Variants in REL observed in about 807,000 individuals in gnomAD.
REL encodes the protein REL proto-oncogene, NF-kB subunit.
A neutral mutation model predicts 45.9 loss-of-function variants in REL; 15 were observed. The observed-to-expected ratio is 0.33, with a 90% confidence interval of 0.22 to 0.50. The LOEUF (loss-of-function observed/expected upper bound fraction) is 0.50, where lower values mean the gene tolerates loss of function less well. Among genes scored for constraint, REL ranks in the 20% least tolerant of loss-of-function variants. REL has a pLI of 0.98. For synonymous variants in REL, 239 were observed against 242.1 expected, an observed-to-expected ratio of 0.99 and a Z score of 0.12; for missense variants, 601 against 715.2, an observed-to-expected ratio of 0.84 and a Z score of 1.82.
intron 1 of REL, among the ~76,000 whole-genome samples, chr2:60,883,566 G>A (rs771188447): frequency 6.6e-6 from 1 of 152,180 alleles, no homozygotes; most frequent in Non-Finnish European, 1.5e-5. Context: ...AGAATGCCTA[G>A]CATTATAAGT....
intron 3 of REL, among the ~76,000 whole-genome samples, chr2:60,895,976 AT>A (rs1460498421): frequency 6.6e-6 from 1 of 152,080 alleles, no homozygotes; most frequent in Non-Finnish European, 1.5e-5. Context: ...TAGTCACAAT[AT>A]ATTAGATAAA....
At chr2:60,911,543 C>G (rs1321128457) in intron 4 of REL, 1 of 151,946 alleles carries the variant, frequency 6.6e-6, no homozygotes, top group African/African-American at 2.4e-5. Flanking sequence ...TGGAAAACAT[C>G]ATTAAAACAA....
At chr2:60,882,294 A>G (rs530026111) in intron 1 of REL, among the ~76,000 whole-genome samples, 1 of 152,216 alleles carries the variant, frequency 6.6e-6, no homozygotes, top group Non-Finnish European at 1.5e-5. Context: ...TGACAGTTGT[A>G]CAAAATGTGT....
chr2:60,907,630 TC>T (rs1278782085), intron 4 of REL, among the ~76,000 whole-genome samples: 2 of 151,770 alleles, frequency 1.3e-5, no homozygotes, highest in Non-Finnish European at 2.9e-5. Context: ...AGACCCCGTA[TC>T]AAAAAAACAA....
intron 2 of REL, among the ~76,000 whole-genome samples, chr2:60,893,705 A>C (rs1673279751): frequency 6.6e-6 from 1 of 152,162 alleles, no homozygotes; most frequent in Non-Finnish European, 1.5e-5. Context: ...TAAGCTACCC[A>C]TTCTTACTTT....
At chr2:60,906,961 C>G (rs537072017) in intron 4 of REL, among the ~76,000 whole-genome samples, 5 of 146,366 alleles carry the variant, frequency 3.4e-5, no homozygotes, top group African/African-American at 5.1e-5. Context: ...CTCTTGTTGC[C>G]CAGGCTGGAG....
At chr2:60,899,706 C>G (rs1673445734) in intron 3 of REL, 2 of 152,236 alleles carry the variant, frequency 1.3e-5, no homozygotes, top group African/African-American at 4.8e-5. Context: ...CTTATTCACG[C>G]CCACCCAATT....
chr2:60,906,872 CGTGTGTGTAT>C (rs1302276157), intron 4 of REL, among the ~76,000 whole-genome samples: 3 of 111,928 alleles, frequency 2.7e-5, no homozygotes, highest in Non-Finnish European at 5.8e-5. Context: ...TGTGTGTGTG[CGTGTGTGTAT>C]GTGTGTGTGT....
At chr2:60,896,294 C>T (rs754752875) in intron 3 of REL, among the ~76,000 whole-genome samples, 1 of 152,132 alleles carries the variant, frequency 6.6e-6, no homozygotes, top group Admixed American at 6.5e-5. Flanking sequence ...CAAGCGTGAG[C>T]CACGGCACCT....
At chr2:60,889,016 A>G (rs1294297353) in intron 1 of REL, among the ~76,000 whole-genome samples, 1 of 152,224 alleles carries the variant, frequency 6.6e-6, no homozygotes, top group Non-Finnish European at 1.5e-5. Flanking sequence ...TGCAAATCTG[A>G]TCATGTGATT....
At position 60,927,589 on chromosome 2, in the gene REL, C is replaced by T. The variant is rs1206520816; in HGVS notation, c.*5054C>T. 4.3e-6 allele frequency: 1 copy of T among 230,154 alleles called. No homozygotes were observed. Among genetic ancestry groups the T allele is most frequent in the Non-Finnish European group, 8.6e-6 (1 of 116,160 alleles). 14.3% of individuals were successfully genotyped at this position (230,154 alleles called of 1,614,324 possible). A position where few individuals can be genotyped will look rare whatever the true frequency, so the allele number is the denominator to read the frequency against. ...CTCAGCACCTAACCCTCACACAACA[C>T]TCCAGTATTGATGCAGTCAATCTTG... On this transcript the variant is annotated 3_prime_UTR_variant, in exon 10 of 10. Coordinates refer to ENST00000394479, the MANE Select transcript of REL (RefSeq NM_001291746.2).
rs1674306298 is a variant in REL at position 60,928,007 on chromosome 2, C to T, written c.*5472C>T. ...CTTCAGGAAAACTCATGATGGTTTCCATGTTAAGAGAGACATGGAGCAGGG... is the reference window on the plus strand; with the variant it reads ...CTTCAGGAAAACTCATGATGGTTTCTATGTTAAGAGAGACATGGAGCAGGG... On this transcript the variant is annotated 3_prime_UTR_variant, in exon 10 of 10. Coordinates refer to ENST00000394479, the MANE Select transcript of REL (RefSeq NM_001291746.2). 1 of 207,926 alleles carries T rather than the reference C, an allele frequency of 4.8e-6. No homozygotes were observed. Among genetic ancestry groups the T allele is most frequent in the Admixed American group, 5.9e-5 (1 of 16,826 alleles). The allele number at this position is 207,926 out of a possible 1,614,324, so 12.9% of individuals were successfully genotyped here.
Position 60,920,423 on chromosome 2 carries a change from A to G in REL, c.923-151A>G, listed in dbSNP as rs1340415821. ...GCCATGTTGACCAGGATGGTCTTGA[A>G]CTCCTGACATCAGGTGATCCACCCA... On this transcript the variant is annotated intron_variant, in intron 8 of 9. Transcript: ENST00000394479. 2 of 691,068 alleles carry G rather than the reference A, an allele frequency of 2.9e-6. No homozygotes were observed. Among genetic ancestry groups the G allele is most frequent in the Admixed American group, 5.0e-5 (2 of 39,794 alleles). 42.8% of individuals were successfully genotyped at this position (691,068 alleles called of 1,614,324 possible).
At chr2:60,890,005 A>G (rs1335441566) in intron 1 of REL, among the ~76,000 whole-genome samples, 1 of 152,178 alleles carries the variant, frequency 6.6e-6, no homozygotes, top group East Asian at 1.9e-4. Flanking sequence ...CTAGTTCTAG[A>G]TCCCTGAGGA....
intron 1 of REL, among the ~76,000 whole-genome samples, chr2:60,890,957 T>C (rs1673194561): frequency 6.6e-6 from 1 of 152,228 alleles, no homozygotes; most frequent in Admixed American, 6.5e-5. Context: ...TCGTCCATGT[T>C]ATTATATGTA....
intron 1 of REL, among the ~76,000 whole-genome samples, chr2:60,883,839 A>G (rs1163015871): frequency 6.9e-6 from 1 of 144,048 alleles, no homozygotes; most frequent in South Asian, 2.1e-4. Flanking sequence ...TTGAAGGGTG[A>G]TTAACTTTTT....
rs886658600 is a variant in REL at position 60,891,614 on chromosome 2, G to A, written c.11-69G>A. The A allele has an allele frequency of 1.3e-5, 17 of 1,311,122 alleles. No homozygotes were observed. The Admixed American group carries it at 4.4e-4, about 34-fold the overall frequency. 81.2% of individuals were successfully genotyped at this position (1,311,122 alleles called of 1,614,324 possible). A position where few individuals can be genotyped will look rare whatever the true frequency, so the allele number is the denominator to read the frequency against. ...TTAGTCTGCTGTTATAAAAAAAACA[G>A]AATGTTAAAATCCATTATTAATTGC... is the stretch of plus-strand genomic sequence containing the variant. On this transcript the variant is annotated intron_variant, in intron 1 of 9. Transcript: ENST00000394479.
At position 60,886,287 on chromosome 2, in the gene REL, G is replaced by T. The variant is rs192051950; in HGVS notation, c.10+4437G>T. Reference sequence around the variant, plus strand: ...TAGGTGATTCTGATGTACATCCCCAGTATGAACTCTGTTCTAGGGATTTCT... The same window carrying T: ...TAGGTGATTCTGATGTACATCCCCATTATGAACTCTGTTCTAGGGATTTCT... On this transcript the variant is annotated intron_variant, in intron 1 of 9. Coordinates refer to ENST00000394479, the MANE Select transcript of REL (RefSeq NM_001291746.2). 8.0e-4 allele frequency among the ~76,000 whole-genome samples: 122 copies of T among 152,268 alleles called. 1 individual carries two copies. The highest frequency in any genetic ancestry group is 1.9e-4 in the Non-Finnish European group (13 of 68,000).
In REL at chr2:60,929,051, C is replaced by G. The variant is rs1488620388; in HGVS notation, c.*6516C>G. The G allele has an allele frequency of 1.3e-5, 2 of 148,916 alleles. No individual in the cohort carries two copies. Among genetic ancestry groups the G allele is most frequent in the Admixed American group, 6.7e-5 (1 of 14,986 alleles). 9.2% of individuals were successfully genotyped at this position (148,916 alleles called of 1,614,324 possible). On this transcript the variant is annotated 3_prime_UTR_variant, in exon 10 of 10. Transcript: ENST00000394479. ...TTCTCAAAAGAAGACATTTATGCAG[C>G]CAAAAAACACATGAAAAAATGCTCA...
Sources: allele counts gnomAD v4.1 joint callset (sites outside exome capture counted in the v4.1 genomes callset), GRCh38; gene constraint gnomAD v4.1.1; transcripts MANE v1.5; gene names NCBI Gene and HGNC (gene_info 2026-07-23, HGNC 2026-07-21).